Variants in FAM107B observed in about 807,000 individuals in gnomAD.
FAM107B encodes the protein protein FAM107B.
FAM107B carries 21 observed loss-of-function variants against 31.5 expected under a neutral mutation model. The ratio of observed to expected loss-of-function variants is 0.67; its 90% CI spans 0.47 to 0.96. The LOEUF is 0.96. Ranked by LOEUF, FAM107B falls within the 40% of genes least tolerant of loss-of-function variation. The pLI, the probability that FAM107B is intolerant of heterozygous loss-of-function variation, is 0.00. For missense variants in FAM107B, 452 were observed against 377.1 expected (o/e 1.20, Z -1.64); for synonymous variants, 157 against 141.5 (o/e 1.11, Z -0.78).
chr10:14,546,038 A>G (rs1848662624), intron 2 of FAM107B, among the ~76,000 whole-genome samples: 1 of 152,244 alleles, frequency 6.6e-6, no homozygotes, highest in Admixed American at 6.5e-5. Flanking sequence ...TAATTCCGTA[A>G]TATTTATGAC....
At chr10:14,743,252 T>C (rs1458832567) in intron 1 of FAM107B, among the ~76,000 whole-genome samples, 2 of 152,220 alleles carry the variant, frequency 1.3e-5, no homozygotes, top group Non-Finnish European at 2.9e-5. Flanking sequence ...AGATTCTGGA[T>C]ATTATAGCTT....
intron 2 of FAM107B, among the ~76,000 whole-genome samples, chr10:14,614,149 A>G (rs1291658794): frequency 3.9e-5 from 6 of 151,992 alleles, no homozygotes; most frequent in Non-Finnish European, 8.8e-5. Flanking sequence ...AATAAATACA[A>G]TTTGAACTTG....
intron 1 of FAM107B, among the ~76,000 whole-genome samples, chr10:14,693,489 AG>A (rs1413149127): frequency 6.6e-5 from 10 of 151,620 alleles, no homozygotes; most frequent in African/African-American, 2.2e-4. Flanking sequence ...AAAAAAAAAA[AG>A]GTATACAACA....
At chr10:14,742,720 A>C (rs1173695904) in intron 1 of FAM107B, among the ~76,000 whole-genome samples, 3 of 152,152 alleles carry the variant, frequency 2.0e-5, no homozygotes, top group African/African-American at 7.2e-5. Flanking sequence ...CATATTTCAT[A>C]TTTTAGCAAT....
At position 14,667,617 on chromosome 10, in the gene FAM107B, C is replaced by T. The variant is rs1854437928; in HGVS notation, c.469+17G>A. ...CAACAGCAGCCTGGAAAAGGAATCA[C>T]ACAGAATGTACTCTACCTGATGTCA... On this transcript the variant is annotated intron_variant, in intron 2 of 4. Transcript: ENST00000181796. 1.9e-6 allele frequency: 3 copies of T among 1,613,318 alleles called. No homozygotes were observed. Among genetic ancestry groups the T allele is most frequent in the Non-Finnish European group, 2.5e-6 (3 of 1,179,762 alleles).
chr10:14,610,081 C>T (rs1327816668), intron 2 of FAM107B, among the ~76,000 whole-genome samples: 3 of 152,212 alleles, frequency 2.0e-5, no homozygotes, highest in South Asian at 4.1e-4. Flanking sequence ...CGGTGGCTCA[C>T]GCCTGTAATT....
intron 2 of FAM107B, among the ~76,000 whole-genome samples, chr10:14,553,708 C>A (rs1015236151): frequency 3.3e-5 from 5 of 152,224 alleles, no homozygotes; most frequent in African/African-American, 1.2e-4. Context: ...CTGAGAAACT[C>A]AGCCCAGCTC....
At chr10:14,565,869 G>T (rs1850621647) in intron 2 of FAM107B, among the ~76,000 whole-genome samples, 1 of 152,160 alleles carries the variant, frequency 6.6e-6, no homozygotes, top group Non-Finnish European at 1.5e-5. Context: ...TTTCACAGAG[G>T]AGGATGCGCT....
intron 2 of FAM107B, chr10:14,571,923 C>T (rs1473484796): frequency 2.0e-6 from 2 of 985,320 alleles, no homozygotes; most frequent in Non-Finnish European, 2.4e-6. Context: ...CCTAACCTCA[C>T]CTCAGTAGAT....
In FAM107B at chr10:14,521,073, G is replaced by A. The variant is rs1845582487; in HGVS notation, c.*117C>T. 5 of 810,218 alleles carry A rather than the reference G, an allele frequency of 6.2e-6. No individual in the cohort carries two copies. The highest frequency in any genetic ancestry group is 8.0e-6 in the Non-Finnish European group (4 of 499,532). The allele number at this position is 810,218 out of a possible 1,614,324, so 50.2% of individuals were successfully genotyped here. ...TAGGAAAATCAAACCAAATCCTACT[G>A]CAAGTCAAAATTCTCTGCTGGCTGA... On this transcript the variant is annotated 3_prime_UTR_variant, in exon 5 of 5. Coordinates refer to ENST00000181796, the MANE Select transcript of FAM107B (RefSeq NM_031453.4).
At chr10:14,686,216 C>G (rs890732965) in intron 1 of FAM107B, among the ~76,000 whole-genome samples, 2 of 152,034 alleles carry the variant, frequency 1.3e-5, no homozygotes, top group Non-Finnish European at 2.9e-5. Flanking sequence ...TGGTGAAACC[C>G]CGTCTCTACT....
rs187666060 is a variant in FAM107B at position 14,572,135 on chromosome 10, A to G, written c.470-41620T>C. On this transcript the variant is annotated intron_variant, in intron 2 of 4. Coordinates refer to ENST00000181796, the MANE Select transcript of FAM107B (RefSeq NM_031453.4). ...AAACACTCTAGCAACTTCTGAAAGC[A>G]GGAACTGTATGCAACTGAATGACCT... The G allele has an allele frequency of 1.2e-5, 12 of 985,396 alleles. No individual in the cohort carries two copies. The Admixed American group carries it at 7.4e-4, about 61-fold the overall frequency. 61.0% of individuals were successfully genotyped at this position (985,396 alleles called of 1,614,324 possible). A position where few individuals can be genotyped will look rare whatever the true frequency, so the allele number is the denominator to read the frequency against.
At chr10:14,534,572 C>T (rs565937175) in intron 2 of FAM107B, among the ~76,000 whole-genome samples, 133 of 152,284 alleles carry the variant, frequency 8.7e-4, no homozygotes, top group African/African-American at 2.9e-3. Context: ...CCTCACACCC[C>T]GCCTTCCCTC....
chr10:14,616,368 C>T (rs1321399861), intron 2 of FAM107B, among the ~76,000 whole-genome samples: 1 of 152,088 alleles, frequency 6.6e-6, no homozygotes, highest in African/African-American at 2.4e-5. Flanking sequence ...CTGAGATTTC[C>T]ATAATTCTCA....
At chr10:14,545,153 G>T (rs1226981245) in intron 2 of FAM107B, among the ~76,000 whole-genome samples, 1 of 152,084 alleles carries the variant, frequency 6.6e-6, no homozygotes, top group African/African-American at 2.4e-5. Flanking sequence ...GCGAGACTAG[G>T]TGACTTGCCT....
intron 2 of FAM107B, among the ~76,000 whole-genome samples, chr10:14,560,310 T>C (rs1325719519): frequency 6.6e-6 from 1 of 152,088 alleles, no homozygotes; most frequent in Non-Finnish European, 1.5e-5. Flanking sequence ...CTTTTAAGAG[T>C]CTTTCATCTT....
intron 2 of FAM107B, among the ~76,000 whole-genome samples, chr10:14,573,891 G>T (rs1007444185): frequency 6.7e-6 from 1 of 150,332 alleles, no homozygotes. Context: ...GATCATTGTG[G>T]ATACATGATA....
At chr10:14,643,675 G>C (rs1294057974) in intron 2 of FAM107B, among the ~76,000 whole-genome samples, 2 of 152,120 alleles carry the variant, frequency 1.3e-5, no homozygotes, top group Non-Finnish European at 2.9e-5. Context: ...CTCCCAAAGT[G>C]CTGGGATTAC....
Position 14,774,457 on chromosome 10 carries a change from T to G in FAM107B, c.207A>C (p.Ala69=). 1 of 1,614,218 alleles carries G rather than the reference T, an allele frequency of 6.2e-7. No homozygotes were observed. The highest frequency in any genetic ancestry group is 8.5e-7 in the Non-Finnish European group (1 of 1,180,034). The change falls in exon 1 of 5, where the codon GCA becomes GCC. Residue 69 remains alanine, a synonymous_variant. Coordinates refer to ENST00000181796, the MANE Select transcript of FAM107B (RefSeq NM_031453.4). Reference sequence around the variant, plus strand: ...CTTGCCTTTTCTCTGGAGCTCCTTCTGCGCTTGGGTGTCTTGGCTGTCTGC... The same window carrying G: ...CTTGCCTTTTCTCTGGAGCTCCTTCGGCGCTTGGGTGTCTTGGCTGTCTGC... The part of the protein sequence containing the change: ...KAGRQPRHPS[A]EGAPEKRQDS...
Sources: allele counts gnomAD v4.1 joint callset (sites outside exome capture counted in the v4.1 genomes callset), GRCh38; gene constraint gnomAD v4.1.1; transcripts MANE v1.5; gene names NCBI Gene and HGNC (gene_info 2026-07-23, HGNC 2026-07-21).